The following GRM1 variants were observed in gnomAD, a reference collection of about 807,000 sequenced individuals.
The protein encoded by GRM1 is glutamate metabotropic receptor 1, also known as metabotropic glutamate receptor 1.
GRM1 carries 33 observed loss-of-function variants against 90.9 expected under a neutral mutation model. That is an observed-to-expected ratio of 0.36 (90% CI 0.28 to 0.49). The LOEUF is 0.49. GRM1 is among the 20% of genes least tolerant of loss of function. The pLI is 0.99. For synonymous variants in GRM1, 700 were observed against 613.2 expected (o/e 1.14, Z -2.09); for missense variants, 1,190 against 1,534.3 (o/e 0.78, Z 3.75).
In GRM1 at chr6:146,103,853, C is replaced by T. The variant is rs377008059; in HGVS notation, c.701-55495C>T. Among the ~76,000 whole-genome samples the T allele has an allele frequency of 1.1e-4, 17 of 152,236 alleles. No homozygotes were observed. The East Asian group carries it at 2.9e-3, about 26-fold the overall frequency. On this transcript the variant is annotated intron_variant, in intron 1 of 7. Transcript: ENST00000282753. ...CAAACAAGTGTTCACAATACAACAT[C>T]GTAAGTGCTATTGTGGAGGATTGCA... is the stretch of plus-strand genomic sequence containing the variant.
At chr6:146,213,203 A>C (rs928519666) in intron 2 of GRM1, among the ~76,000 whole-genome samples, 7 of 152,152 alleles carry the variant, frequency 4.6e-5, no homozygotes, top group Admixed American at 2.0e-4. Flanking sequence ...TGCATGAAAG[A>C]TAAGAAGTGA....
At chr6:146,199,224 T>C (rs12194562) in intron 2 of GRM1, among the ~76,000 whole-genome samples, 3,042 of 152,296 alleles carry the variant, frequency 0.02, 41 homozygotes, top group Non-Finnish European at 0.028. Context: ...TAACTGCACA[T>C]AATATATCCA....
chr6:146,287,880 C>A (rs375927699), intron 2 of GRM1, among the ~76,000 whole-genome samples: 1 of 152,302 alleles, frequency 6.6e-6, no homozygotes, highest in African/African-American at 2.4e-5. Context: ...CTGTTGATAT[C>A]TTTGTCTCAA....
At chr6:146,211,275 C>G (rs1181119689) in intron 2 of GRM1, among the ~76,000 whole-genome samples, 1 of 151,324 alleles carries the variant, frequency 6.6e-6, no homozygotes, top group African/African-American at 2.4e-5. Flanking sequence ...AGTTCTGACA[C>G]TTGATCATTC....
At chr6:146,087,832 C>T (rs774299341) in intron 1 of GRM1, among the ~76,000 whole-genome samples, 1 of 152,096 alleles carries the variant, frequency 6.6e-6, no homozygotes, top group Non-Finnish European at 1.5e-5. Flanking sequence ...TTTGTCTTAA[C>T]CATTCCCTGT....
intron 2 of GRM1, among the ~76,000 whole-genome samples, chr6:146,235,296 T>G (rs1780599137): frequency 6.6e-6 from 1 of 152,168 alleles, no homozygotes; most frequent in Non-Finnish European, 1.5e-5. Context: ...TTTTTGTTAT[T>G]CCTATCTTTG....
At chr6:146,365,111 A>G (rs1370090542) in intron 5 of GRM1, 1 of 152,202 alleles carries the variant, frequency 6.6e-6, no homozygotes, top group East Asian at 1.9e-4. Context: ...CAGGCATATC[A>G]AAGAATCTTG....
intron 1 of GRM1, among the ~76,000 whole-genome samples, chr6:146,123,461 G>C (rs115237562): frequency 9.1e-4 from 139 of 152,314 alleles, no homozygotes; most frequent in Middle Eastern, 3.4e-3. Flanking sequence ...AAAGGGACCA[G>C]AAGTTATCTG....
chr6:146,028,263 G>A (rs1049738857), upstream of GRM1, among the ~76,000 whole-genome samples: 335 of 144,530 alleles, frequency 2.3e-3, 2 homozygotes, highest in African/African-American at 8.7e-3. Flanking sequence ...GTGTGTGTGT[G>A]TGTGTGTGTG....
chr6:146,189,163 A>G (rs1778846740), intron 2 of GRM1, among the ~76,000 whole-genome samples: 1 of 152,200 alleles, frequency 6.6e-6, no homozygotes. Context: ...TTTTTTCCCT[A>G]AGTATCATTT....
rs73578823 is a variant in GRM1 at position 146,089,046 on chromosome 6, C to G, written c.700+58829C>G. 9.9e-3 allele frequency among the ~76,000 whole-genome samples: 1,510 copies of G among 152,126 alleles called. 23 individuals are homozygous for G. Among genetic ancestry groups the G allele is most frequent in the African/African-American group, 0.035 (1,433 of 41,522 alleles). ...TGTGGGCAGGGTCTGTGACTGGCTT[C>G]TAACCAACAGAATATGGCAAAGGTA... is the stretch of plus-strand genomic sequence containing the variant. On this transcript the variant is annotated intron_variant, in intron 1 of 7. Transcript: ENST00000282753.
intron 3 of GRM1, among the ~76,000 whole-genome samples, chr6:146,318,979 G>C (rs1784074551): frequency 6.6e-6 from 1 of 152,024 alleles, no homozygotes; most frequent in Non-Finnish European, 1.5e-5. Flanking sequence ...AGTTTCTTTT[G>C]TGTGCAGAAG....
At chr6:146,283,646 C>T (rs565330257) in intron 2 of GRM1, among the ~76,000 whole-genome samples, 22 of 152,250 alleles carry the variant, frequency 1.4e-4, no homozygotes, top group African/African-American at 3.6e-4. Flanking sequence ...ACACTTGCTA[C>T]GACAGGTATA....
chr6:146,248,450 A>G (rs1280114987), intron 2 of GRM1, among the ~76,000 whole-genome samples: 1 of 152,132 alleles, frequency 6.6e-6, no homozygotes, highest in African/African-American at 2.4e-5. Context: ...GGGAGTTCTC[A>G]TGAGATCTGG....
At chr6:146,122,803 A>G (rs888191795) in intron 1 of GRM1, among the ~76,000 whole-genome samples, 4 of 102,922 alleles carry the variant, frequency 3.9e-5, no homozygotes, top group African/African-American at 1.1e-4. Flanking sequence ...GTTTTCTGTG[A>G]TTTCTTTTTT....
In GRM1 at chr6:146,029,441, G is replaced by T; in HGVS notation, c.-77G>T. ...GGGAGAGGCGGCGCTGGGCGTCTTG[G>T]GGGTGCGCGCCGGGAGCCTGCAGCG... On this transcript the variant is annotated 5_prime_UTR_variant, in exon 1 of 8. Transcript: ENST00000282753. 1 of 1,166,908 alleles carries T rather than the reference G, an allele frequency of 8.6e-7. No homozygotes were observed. The highest frequency in any genetic ancestry group is 1.2e-5 in the South Asian group (1 of 81,736). The allele number at this position is 1,166,908 out of a possible 1,614,324, so 72.3% of individuals were successfully genotyped here.
At chr6:146,371,559 T>G (rs2115094252) in intron 5 of GRM1, among the ~76,000 whole-genome samples, 1 of 152,142 alleles carries the variant, frequency 6.6e-6, no homozygotes, top group East Asian at 1.9e-4. Context: ...AAATAGTAGG[T>G]TTTATCCATT....
chr6:146,162,418 C>T (rs775284147), intron 2 of GRM1, among the ~76,000 whole-genome samples: 2 of 152,222 alleles, frequency 1.3e-5, no homozygotes, highest in African/African-American at 2.4e-5. Context: ...CGTCTTGACA[C>T]TACCATCAAA....
chr6:146,335,366 C>G (rs1784733499), intron 3 of GRM1, among the ~76,000 whole-genome samples: 1 of 152,090 alleles, frequency 6.6e-6, no homozygotes, highest in Non-Finnish European at 1.5e-5. Flanking sequence ...AAATAGGGAC[C>G]CTAAGGGTCA....
Sources: gnomAD v4.1 joint callset for allele counts (sites outside exome capture counted in the v4.1 genomes callset) on GRCh38, gnomAD v4.1.1 for gene constraint, MANE v1.5 for transcripts, NCBI Gene and HGNC (gene_info 2026-07-23, HGNC 2026-07-21) for gene names.